The following CASS4 variants were observed in gnomAD, a reference collection of about 807,000 sequenced individuals.
CASS4 encodes the protein cas scaffolding protein family member 4.
In CASS4, 22 loss-of-function variants were observed where a neutral mutation model predicts 54.2. That is an observed-to-expected ratio of 0.41 (90% CI 0.29 to 0.58). The LOEUF is 0.58. Among genes scored for constraint, CASS4 ranks in the 20% least tolerant of loss-of-function variants. CASS4 has a pLI of 0.36. For missense variants in CASS4, 854 were observed against 986.7 expected (o/e 0.87, Z 1.80); for synonymous variants, 409 against 391.5 (o/e 1.04, Z -0.53).
At chr20:56,436,598 C>T (rs1176213594) in intron 1 of CASS4, among the ~76,000 whole-genome samples, 1 of 152,072 alleles carries the variant, frequency 6.6e-6, no homozygotes, top group Admixed American at 6.6e-5. Flanking sequence ...CGAATTTCTA[C>T]CCCACTATGT....
At position 56,437,321 on chromosome 20, in the gene CASS4, C is replaced by T; in HGVS notation, c.194C>T (p.Ala65Val). ...CATGGGAGGCAAGGCCTGGCCCCTGCCAACCGCCTCCAAATCCTCACGGAG... is the reference window on the plus strand; with the variant it reads ...CATGGGAGGCAAGGCCTGGCCCCTGTCAACCGCCTCCAAATCCTCACGGAG... ...LLHGRQGLAPANRLQILTEVA... is the reference protein window; with the variant it reads ...LLHGRQGLAPVNRLQILTEVA... The change falls in exon 2 of 6, where the codon GCC becomes GTC. Residue 65 changes from alanine (A) to valine (V), a missense_variant. Coordinates refer to ENST00000679887, the MANE Select transcript of CASS4 (RefSeq NM_020356.4). This position sits in a 1 kb window ranked among gnomAD's most constrained non-coding sequence, Gnocchi z 4.7. 6.2e-7 allele frequency: 1 copy of T among 1,614,008 alleles called. No homozygotes were observed.
chr20:56,423,508 A>G (rs1271997069), intron 1 of CASS4, among the ~76,000 whole-genome samples: 1 of 152,136 alleles, frequency 6.6e-6, no homozygotes, highest in Non-Finnish European at 1.5e-5. Context: ...CTATTCTATT[A>G]AGTTTTGTTT....
At chr20:56,441,228 A>G (rs1241537192) in intron 2 of CASS4, among the ~76,000 whole-genome samples, 5 of 151,250 alleles carry the variant, frequency 3.3e-5, no homozygotes, top group Non-Finnish European at 7.4e-5. Context: ...TCCTGACCTC[A>G]GGTGATCTGC....
At chr20:56,450,998 G>C (rs1393919170) in intron 4 of CASS4, among the ~76,000 whole-genome samples, 1 of 148,542 alleles carries the variant, frequency 6.7e-6, no homozygotes, top group Non-Finnish European at 1.5e-5. Context: ...GTGTAACCCT[G>C]TCTCTAATAA....
chr20:56,437,114 A>G lies in CASS4; in HGVS notation c.37-50A>G, dbSNP rs1980209961. ...AGAGAGTGGGATTGGAGTAGCAGTC[A>G]CTGGCCACGGTGCTAACTGCAAATT... On this transcript the variant is annotated intron_variant, in intron 1 of 5. Transcript: ENST00000679887. The surrounding 1 kb of genome is among the most constrained non-coding windows in gnomAD (Gnocchi z 4.7). The G allele has an allele frequency of 1.4e-6, 2 of 1,466,696 alleles. No individual in the cohort carries two copies. Among genetic ancestry groups the G allele is most frequent in the South Asian group, 1.4e-5 (1 of 73,556 alleles). The allele number at this position is 1,466,696 out of a possible 1,614,324, so 90.9% of individuals were successfully genotyped here.
chr20:56,459,122 C>G lies in CASS4; in HGVS notation c.*375C>G, dbSNP rs1470569519. On this transcript the variant is annotated 3_prime_UTR_variant, in exon 6 of 6. Coordinates refer to ENST00000679887, the MANE Select transcript of CASS4 (RefSeq NM_020356.4). The stretch of plus-strand genomic sequence containing the variant: ...CTGGAGTGCAGTGGCGCGATCTCAG[C>G]TCACTGCAACCTCCGCCTTCTGGGT... 5.6e-6 allele frequency: 1 copy of G among 177,712 alleles called. No homozygotes were observed. Among genetic ancestry groups the G allele is most frequent in the Non-Finnish European group, 1.2e-5 (1 of 83,060 alleles). The allele number at this position is 177,712 out of a possible 1,614,324, so 11.0% of individuals were successfully genotyped here.
At chr20:56,416,485 C>G (rs2146261062) in intron 1 of CASS4, among the ~76,000 whole-genome samples, 1 of 152,084 alleles carries the variant, frequency 6.6e-6, no homozygotes, top group Admixed American at 6.5e-5. Context: ...CTGCAATGTA[C>G]TTTAGTGATT....
rs111451360 is a variant in CASS4, at chr20:56,454,329, G to T, written c.1953+1200G>T. 9.2e-5 allele frequency among the ~76,000 whole-genome samples: 14 copies of T among 152,354 alleles called. No homozygotes were observed. The East Asian group carries it at 1.2e-3, about 13-fold the overall frequency. On this transcript the variant is annotated intron_variant, in intron 5 of 5. Transcript: ENST00000679887. ...GGGGGCTGTGTCAAGGAGATAATTT[G>T]CTACTTTCAGCCCCGACCTTTGTGT... is the stretch of plus-strand genomic sequence containing the variant.
chr20:56,453,226 C>A, intron 5 of CASS4, 97 bp downstream of exon 5: 2 of 828,304 alleles, frequency 2.4e-6, no homozygotes, highest in South Asian at 1.8e-5. Flanking sequence ...AGTGTATAGG[C>A]TTTGGGGAGA....
At position 56,414,803 on chromosome 20, in the gene CASS4, TG is replaced by T. The variant is rs1979051448; in HGVS notation, c.36+2312del. Among the ~76,000 whole-genome samples the T allele has an allele frequency of 6.6e-6, 1 of 152,070 alleles. No homozygotes were observed. Among genetic ancestry groups the T allele is most frequent in the Non-Finnish European group, 1.5e-5 (1 of 68,008 alleles). Reference sequence around the variant, plus strand: ...CTAGTAAAAATACAAAAAAATTAGCTGGGCATAGTGGTGCACGTCTGTATTC... The same window carrying T: ...CTAGTAAAAATACAAAAAAATTAGCTGGCATAGTGGTGCACGTCTGTATTC... On this transcript the variant is annotated intron_variant, in intron 1 of 5. Transcript: ENST00000679887. The surrounding 1 kb of genome is among the most constrained non-coding windows in gnomAD (Gnocchi z 4.1).
intron 2 of CASS4, among the ~76,000 whole-genome samples, chr20:56,438,841 G>A (rs1036993047): frequency 6.6e-6 from 1 of 152,228 alleles, no homozygotes; most frequent in Non-Finnish European, 1.5e-5. Flanking sequence ...TGGACGCCAA[G>A]AGTGAAACTC....
chr20:56,459,504 A>G lies in CASS4; in HGVS notation c.*757A>G. The G allele has an allele frequency of 3.8e-6, 1 of 261,754 alleles. No homozygotes were observed. The highest frequency in any genetic ancestry group is 8.2e-6 in the Non-Finnish European group (1 of 121,696). The allele number at this position is 261,754 out of a possible 1,614,324, so 16.2% of individuals were successfully genotyped here. Reference sequence around the variant, plus strand: ...GATTTTATTACCAGTTTTCATCTGAATCCACTGGGGAGTGGGGCGATTTTG... The same window carrying G: ...GATTTTATTACCAGTTTTCATCTGAGTCCACTGGGGAGTGGGGCGATTTTG... On this transcript the variant is annotated 3_prime_UTR_variant, in exon 6 of 6. Coordinates refer to ENST00000679887, the MANE Select transcript of CASS4 (RefSeq NM_020356.4).
intron 3 of CASS4, among the ~76,000 whole-genome samples, chr20:56,447,812 T>C (rs771191551): frequency 6.6e-6 from 1 of 152,108 alleles, no homozygotes; most frequent in African/African-American, 2.4e-5. Context: ...TTTGCCATGA[T>C]AGACTCCAGG....
chr20:56,428,918 C>G (rs567575284), intron 1 of CASS4, among the ~76,000 whole-genome samples: 2 of 146,568 alleles, frequency 1.4e-5, no homozygotes, highest in African/African-American at 5.2e-5. Flanking sequence ...CAGTGTACCC[C>G]CCGACCTGCC....
chr20:56,438,636 A>T (rs1469057189), intron 2 of CASS4, among the ~76,000 whole-genome samples: 1 of 152,120 alleles, frequency 6.6e-6, no homozygotes, highest in Non-Finnish European at 1.5e-5. Context: ...AGGCGGGCAG[A>T]TCACAAGGTC....
chr20:56,458,972 GT>G lies in CASS4; in HGVS notation c.*228del, dbSNP rs2146303539. 1.9e-6 allele frequency: 1 copy of G among 532,562 alleles called. No individual in the cohort carries two copies. Among genetic ancestry groups the G allele is most frequent in the South Asian group, 3.0e-5 (1 of 33,586 alleles). The allele number at this position is 532,562 out of a possible 1,614,324, so 33.0% of individuals were successfully genotyped here. A position where few individuals can be genotyped will look rare whatever the true frequency, so the allele number is the denominator to read the frequency against. On this transcript the variant is annotated 3_prime_UTR_variant, in exon 6 of 6. Coordinates refer to ENST00000679887, the MANE Select transcript of CASS4 (RefSeq NM_020356.4). ...AGGTATGAGGTAAAGACCTTGTGAAGTTTAGCATATATGGAGTATGCAGTAT... is the reference window on the plus strand; with the variant it reads ...AGGTATGAGGTAAAGACCTTGTGAAGTTAGCATATATGGAGTATGCAGTAT...
At chr20:56,449,293 G>A (rs977514513) in intron 3 of CASS4, among the ~76,000 whole-genome samples, 13 of 152,176 alleles carry the variant, frequency 8.5e-5, no homozygotes, top group African/African-American at 3.1e-4. Context: ...AAAACGATGA[G>A]TTCATGTCCT....
intron 2 of CASS4, 106 bp from the exon 3 acceptor site, chr20:56,445,794 C>A: frequency 2.4e-6 from 2 of 850,426 alleles, no homozygotes; most frequent in Non-Finnish European, 3.7e-6. Flanking sequence ...ACCCCTTCAG[C>A]AGTATCCACC....
Position 56,452,393 on chromosome 20 carries a change from G to T in CASS4, c.1217G>T (p.Arg406Ile). The T allele has an allele frequency of 1.2e-6, 2 of 1,614,018 alleles. No individual in the cohort carries two copies. Among genetic ancestry groups the T allele is most frequent in the African/African-American group, 1.3e-5 (1 of 75,040 alleles). ...TTATCAGGTTCCAGTTCTGACAGCA[G>T]AGCTAGCATCGTTTCCTCGTGCTCC... ...DRLSGSSSDS[R>I]ASIVSSCSTT... is the part of the protein sequence containing the mutation. Residue 406 changes from arginine (R) to isoleucine (I), a missense_variant, in exon 5 of 6, where the codon AGA becomes ATA. Transcript: ENST00000679887.
Sources: gnomAD v4.1 joint callset for allele counts (sites outside exome capture counted in the v4.1 genomes callset) on GRCh38, gnomAD v4.1.1 for gene constraint, Gnocchi (gnomAD v3.1) non-coding constraint, MANE v1.5 for transcripts, NCBI Gene and HGNC (gene_info 2026-07-23, HGNC 2026-07-21) for gene names.